MTMR12: variants seen among roughly 807,000 people sequenced by gnomAD.
MTMR12 encodes myotubularin related protein 12, also known as myotubularin-related protein 12.
A neutral mutation model predicts 96.7 loss-of-function variants in MTMR12; 33 were observed. The observed-to-expected ratio is 0.34, with a 90% CI of 0.26 to 0.46. MTMR12 has a LOEUF of 0.46. MTMR12 is among the 20% of genes least tolerant of loss of function. The pLI, the probability that MTMR12 is intolerant of heterozygous loss-of-function variation, is 1.00. For missense variants in MTMR12, 721 were observed against 896.1 expected (o/e 0.80, Z 2.49); for synonymous variants, 298 against 327.2 (o/e 0.91, Z 0.96).
intron 8 of MTMR12, among the ~76,000 whole-genome samples, chr5:32,253,373 A>C (rs973588506): frequency 6.6e-6 from 1 of 152,210 alleles, no homozygotes; most frequent in Non-Finnish European, 1.5e-5. Flanking sequence ...ATATAAAATA[A>C]ATTACCTTTT....
In MTMR12 at chr5:32,228,278, G is replaced by C. The variant is rs1010896152; in HGVS notation, c.*1500C>G. 6.6e-6 allele frequency: 1 copy of C among 151,954 alleles called. No individual in the cohort carries two copies. The highest frequency in any genetic ancestry group is 2.1e-4 in the South Asian group (1 of 4,806). 9.4% of individuals were successfully genotyped at this position (151,954 alleles called of 1,614,324 possible). ...CCCAAAGTGCTGGGATTACAGGCGT[G>C]AGCCACCACACCCGGCCTCAAATTT... is the stretch of plus-strand genomic sequence containing the variant. On this transcript the variant is annotated 3_prime_UTR_variant, in exon 16 of 16. Transcript: ENST00000382142.
intron 12 of MTMR12, among the ~76,000 whole-genome samples, chr5:32,241,092 A>C (rs1203644244): frequency 6.6e-6 from 1 of 152,160 alleles, no homozygotes; most frequent in Non-Finnish European, 1.5e-5. Context: ...TCTGTGATTA[A>C]TGTGTTCTGG....
At chr5:32,269,619 T>G (rs1396755540) in intron 5 of MTMR12, among the ~76,000 whole-genome samples, 1 of 152,148 alleles carries the variant, frequency 6.6e-6, no homozygotes, top group African/African-American at 2.4e-5. Context: ...GTGTCAGGTT[T>G]TCTAAGAACT....
intron 12 of MTMR12, among the ~76,000 whole-genome samples, chr5:32,240,726 G>A (rs894033884): frequency 1.3e-5 from 2 of 152,004 alleles, no homozygotes; most frequent in Non-Finnish European, 2.9e-5. Flanking sequence ...TCAGCCTCCC[G>A]AGTAGCCAGG....
At position 32,312,261 on chromosome 5, in the gene MTMR12, C is replaced by A. The variant is rs903044319; in HGVS notation, c.81+497G>T. Among the ~76,000 whole-genome samples, 1 of 152,200 alleles carries A rather than the reference C, an allele frequency of 6.6e-6. No individual in the cohort carries two copies. Among genetic ancestry groups the A allele is most frequent in the South Asian group, 2.1e-4 (1 of 4,836 alleles). ...CCCCCTTTTCTCCCCGCAGCGCTGA[C>A]GGGAGGCGGACGTAGGTGCAGGGCA... On this transcript the variant is annotated intron_variant, in intron 1 of 15. Transcript: ENST00000382142. The surrounding 1 kb of genome is among the most constrained non-coding windows in gnomAD (Gnocchi z 5.0).
intron 6 of MTMR12, 63 bp downstream of exon 6, chr5:32,268,638 G>T: frequency 7.2e-7 from 1 of 1,389,514 alleles, no homozygotes; most frequent in Non-Finnish European, 1.0e-6. Flanking sequence ...CTCCCCCACT[G>T]GCTTCAGGTG....
intron 1 of MTMR12, among the ~76,000 whole-genome samples, chr5:32,310,739 T>C (rs1243660728): frequency 6.6e-6 from 1 of 152,200 alleles, no homozygotes; most frequent in Non-Finnish European, 1.5e-5. Context: ...ACAGGGTGAC[T>C]ACAGTCAACA....
In MTMR12 at chr5:32,312,570, G is replaced by A. The variant is rs904129164; in HGVS notation, c.81+188C>T. Among the ~76,000 whole-genome samples, 1 of 152,086 alleles carries A rather than the reference G, an allele frequency of 6.6e-6. No individual in the cohort carries two copies. Among genetic ancestry groups the A allele is most frequent in the Admixed American group, 6.5e-5 (1 of 15,276 alleles). ...CTCAGGCACCTGCCTGCCTGCGCCG[G>A]GGTCCCCATTCCGGCCCGCGCGGAG... On this transcript the variant is annotated intron_variant, in intron 1 of 15. Transcript: ENST00000382142. The surrounding 1 kb of genome is among the most constrained non-coding windows in gnomAD (Gnocchi z 5.0).
rs1187960102 is a variant in MTMR12, at chr5:32,276,686, C to T, written c.138G>A (p.Leu46=). Residue 46 remains leucine (L), a synonymous_variant, in exon 2 of 16, where the codon TTG becomes TTA. Coordinates refer to ENST00000382142, the MANE Select transcript of MTMR12 (RefSeq NM_001040446.3). ...CTATGCTAACATGACAGTTACCTGG[C>T]AACAAGTGAAGAGTTACTTCCTTCT... ...VTEKEVTLHL[L]PGEQLLCEAS... 6.2e-7 allele frequency: 1 copy of T among 1,613,390 alleles called. No homozygotes were observed. Among genetic ancestry groups the T allele is most frequent in the Non-Finnish European group, 8.5e-7 (1 of 1,179,576 alleles).
intron 1 of MTMR12, chr5:32,309,674 G>GC (rs1751500718): frequency 6.6e-6 from 1 of 152,074 alleles, no homozygotes; most frequent in Non-Finnish European, 1.5e-5. Context: ...GCTCGCTTCA[G>GC]CATCACATAT....
rs79545292 is a variant in MTMR12, at chr5:32,236,109, A to G, written c.1345-980T>C. ...TAGAGTGGAAAATATTTGAACTGCA[A>G]TGTATAGGCAGGGCAATAGGCTCAG... On this transcript the variant is annotated intron_variant, in intron 13 of 15. Coordinates refer to ENST00000382142, the MANE Select transcript of MTMR12 (RefSeq NM_001040446.3). Among the ~76,000 whole-genome samples the G allele has an allele frequency of 9.1e-3, 1,392 of 152,310 alleles. 23 individuals are homozygous for G. Among genetic ancestry groups the G allele is most frequent in the African/African-American group, 0.032 (1,336 of 41,556 alleles).
chr5:32,288,710 G>A (rs907582401), intron 1 of MTMR12, among the ~76,000 whole-genome samples: 7 of 152,108 alleles, frequency 4.6e-5, no homozygotes, highest in Non-Finnish European at 7.4e-5. Flanking sequence ...GTTGCAGCTC[G>A]GGGAGTTAAA....
At chr5:32,271,936 T>C in intron 3 of MTMR12, 31 bp from the exon 4 acceptor site, 1 of 1,292,608 alleles carries the variant, frequency 7.7e-7, no homozygotes. Context: ...CAACTGTGAC[T>C]CCTCTGCATA....
In MTMR12 at chr5:32,279,276, C is replaced by G. The variant is rs182742572; in HGVS notation, c.82-2534G>C. 4.0e-5 allele frequency among the ~76,000 whole-genome samples: 6 copies of G among 151,772 alleles called. No homozygotes were observed. In the East Asian group the frequency reaches 7.8e-4, roughly 20 times the overall value. On this transcript the variant is annotated intron_variant, in intron 1 of 15. Transcript: ENST00000382142. ...CAAACAAAAAAATTAAAAAATCATC[C>G]AGGTATGGTAGTACACACCTGAAGT...
At chr5:32,295,636 T>C (rs10036198) in intron 1 of MTMR12, among the ~76,000 whole-genome samples, 61 of 152,358 alleles carry the variant, frequency 4.0e-4, no homozygotes, top group African/African-American at 1.4e-3. Flanking sequence ...CATAAAAATA[T>C]GTCATAGGAG....
intron 1 of MTMR12, among the ~76,000 whole-genome samples, chr5:32,290,512 C>T (rs1428310470): frequency 6.6e-6 from 1 of 152,210 alleles, no homozygotes; most frequent in Non-Finnish European, 1.5e-5. Context: ...GCCCCTCCTA[C>T]AACCAAGAAA....
chr5:32,298,272 C>T (rs1309965092), intron 1 of MTMR12, among the ~76,000 whole-genome samples: 4 of 152,066 alleles, frequency 2.6e-5, no homozygotes, highest in Admixed American at 6.6e-5. Flanking sequence ...GAAACACAGA[C>T]GGATCACCAC....
chr5:32,245,685 G>T (rs551490014), intron 10 of MTMR12, among the ~76,000 whole-genome samples: 1 of 152,024 alleles, frequency 6.6e-6, no homozygotes, highest in Non-Finnish European at 1.5e-5. Context: ...AATATTAGCC[G>T]GGTGTGGTGG....
chr5:32,279,076 C>CAAAAAAAAAAAAAA (rs35999870), intron 1 of MTMR12, among the ~76,000 whole-genome samples: 7 of 50,532 alleles, frequency 1.4e-4, no homozygotes, highest in Admixed American at 2.7e-4. Context: ...AACTCTGTCT[C>CAAAAAAAAAAAAAA]AAAAAAAAAA....
Sources: allele counts gnomAD v4.1 joint callset (sites outside exome capture counted in the v4.1 genomes callset), GRCh38; gene constraint gnomAD v4.1.1; non-coding constraint Gnocchi (gnomAD v3.1); transcripts MANE v1.5; gene names NCBI Gene and HGNC (gene_info 2026-07-23, HGNC 2026-07-21).